Variants in CCSER1 observed in about 807,000 individuals in gnomAD.
The protein encoded by CCSER1 is serine-rich coiled-coil domain-containing protein 1.
CCSER1 carries 41 observed loss-of-function variants against 82.0 expected under a neutral mutation model. The observed-to-expected ratio is 0.50, with a 90% CI of 0.39 to 0.65. The LOEUF (loss-of-function observed/expected upper bound fraction) is 0.65. Among genes scored for constraint, CCSER1 ranks in the 30% least tolerant of loss-of-function variants. The pLI, the probability that CCSER1 is intolerant of heterozygous loss-of-function variation, is 0.00. For missense variants in CCSER1, 1,119 were observed against 1,064.2 expected, an observed-to-expected ratio of 1.05 and a Z score of -0.72; for synonymous variants, 414 against 383.9, an observed-to-expected ratio of 1.08 and a Z score of -0.92.
At chr4:91,126,658 T>A (rs1398275065) in intron 10 of CCSER1, among the ~76,000 whole-genome samples, 1 of 152,048 alleles carries the variant, frequency 6.6e-6, no homozygotes, top group Non-Finnish European at 1.5e-5. Context: ...AAAGATGTTT[T>A]ACATATTCTG....
chr4:90,392,462 C>T (rs183264721), intron 3 of CCSER1, among the ~76,000 whole-genome samples: 21 of 152,004 alleles, frequency 1.4e-4, no homozygotes, highest in African/African-American at 4.8e-4. Context: ...TTGTAATTTA[C>T]CTTTTCTCAG....
intron 6 of CCSER1, among the ~76,000 whole-genome samples, chr4:90,705,975 A>G (rs1039424987): frequency 1.1e-4 from 17 of 152,088 alleles, no homozygotes; most frequent in Admixed American, 4.6e-4. Flanking sequence ...GACTGCACCC[A>G]CTGTCCTGCA....
intron 10 of CCSER1, among the ~76,000 whole-genome samples, chr4:91,444,008 A>G (rs957542661): frequency 4.6e-5 from 7 of 152,144 alleles, no homozygotes; most frequent in African/African-American, 1.7e-4. Context: ...AAGGAGAAGA[A>G]AACAAAAGAA....
chr4:91,512,867 G>A (rs1759901925), intron 10 of CCSER1, among the ~76,000 whole-genome samples: 1 of 152,198 alleles, frequency 6.6e-6, no homozygotes, highest in Non-Finnish European at 1.5e-5. Context: ...TTTTGGTGGA[G>A]TCTTTGGGAG....
chr4:91,218,397 C>T (rs1452281689), intron 10 of CCSER1, among the ~76,000 whole-genome samples: 3 of 152,298 alleles, frequency 2.0e-5, no homozygotes, highest in Non-Finnish European at 4.4e-5. Flanking sequence ...CAGCCTTGGC[C>T]AGCCCAGAAA....
chr4:91,080,428 G>A (rs1325016773), intron 9 of CCSER1, among the ~76,000 whole-genome samples: 1 of 152,144 alleles, frequency 6.6e-6, no homozygotes, highest in Non-Finnish European at 1.5e-5. Flanking sequence ...GTGTGTAGAG[G>A]TAAATTAATA....
intron 10 of CCSER1, among the ~76,000 whole-genome samples, chr4:91,258,382 C>T (rs1740855326): frequency 6.6e-6 from 1 of 152,038 alleles, no homozygotes; most frequent in South Asian, 2.1e-4. Flanking sequence ...TGGTACAGAA[C>T]ACCCTCTTCC....
chr4:90,261,677 A>G (rs1724354129), intron 1 of CCSER1, among the ~76,000 whole-genome samples: 1 of 152,164 alleles, frequency 6.6e-6, no homozygotes, highest in African/African-American at 2.4e-5. Flanking sequence ...TTTCTCAATT[A>G]TTCCCTGAAA....
chr4:91,368,029 T>A (rs1338166319), intron 10 of CCSER1, among the ~76,000 whole-genome samples: 2 of 152,214 alleles, frequency 1.3e-5, no homozygotes, highest in Non-Finnish European at 2.9e-5. Flanking sequence ...TGTATACAAT[T>A]TTCCTATGTG....
chr4:90,522,030 G>C (rs1773204812), intron 5 of CCSER1, among the ~76,000 whole-genome samples: 1 of 152,058 alleles, frequency 6.6e-6, no homozygotes, highest in Admixed American at 6.5e-5. Context: ...TAACCACTCT[G>C]CCTGGATTAC....
intron 10 of CCSER1, among the ~76,000 whole-genome samples, chr4:91,400,847 T>C (rs867862019): frequency 2.6e-5 from 4 of 151,852 alleles, no homozygotes; most frequent in Admixed American, 6.6e-5. Context: ...TCCCCCTGAA[T>C]TGGTCTTTTG....
At chr4:90,695,916 C>G (rs936204723) in intron 6 of CCSER1, among the ~76,000 whole-genome samples, 3 of 151,676 alleles carry the variant, frequency 2.0e-5, no homozygotes, top group African/African-American at 7.3e-5. Context: ...ACACAAAGAG[C>G]TAGGTAACAA....
chr4:90,204,556 C>CT (rs1738419344), intron 1 of CCSER1, among the ~76,000 whole-genome samples: 1 of 152,164 alleles, frequency 6.6e-6, no homozygotes, highest in Non-Finnish European at 1.5e-5. Flanking sequence ...GTCTATATAT[C>CT]TGTTTTGGTA....
intron 7 of CCSER1, among the ~76,000 whole-genome samples, chr4:90,811,995 C>CACACACACACACACATATATATAT (rs367800484): frequency 1.4e-5 from 2 of 142,778 alleles, no homozygotes; most frequent in Non-Finnish European, 3.0e-5. Context: ...TATATAAACA[C>CACACACACACACACATATATATAT]ATATATATAT....
At chr4:91,208,968 T>C (rs1736573980) in intron 10 of CCSER1, among the ~76,000 whole-genome samples, 1 of 151,926 alleles carries the variant, frequency 6.6e-6, no homozygotes, top group South Asian at 2.1e-4. Context: ...TTATTCTTTT[T>C]GTGGCAATTG....
intron 8 of CCSER1, among the ~76,000 whole-genome samples, chr4:90,835,503 A>G (rs1192535275): frequency 1.3e-5 from 2 of 152,174 alleles, no homozygotes; most frequent in Non-Finnish European, 2.9e-5. Flanking sequence ...CCGTGGAGCC[A>G]TGAGACCAAA....
intron 10 of CCSER1, among the ~76,000 whole-genome samples, chr4:91,342,761 T>A (rs1747801142): frequency 6.6e-6 from 1 of 152,140 alleles, no homozygotes; most frequent in South Asian, 2.1e-4. Context: ...ACATATAGGT[T>A]GTATGCCTAT....
chr4:91,538,178 A>G (rs1332243840), intron 10 of CCSER1, among the ~76,000 whole-genome samples: 1 of 152,080 alleles, frequency 6.6e-6, no homozygotes, highest in Admixed American at 6.6e-5. Context: ...CTTGTAAATA[A>G]CATTCGTATG....
At chr4:90,362,656 T>C (rs995290141) in intron 3 of CCSER1, among the ~76,000 whole-genome samples, 1 of 152,180 alleles carries the variant, frequency 6.6e-6, no homozygotes, top group Admixed American at 6.5e-5. Flanking sequence ...CCTTTTCCGC[T>C]GGCTTCTCCA....
Sources: allele counts gnomAD v4.1 joint callset (sites outside exome capture counted in the v4.1 genomes callset), GRCh38; gene constraint gnomAD v4.1.1; transcripts MANE v1.5; gene names NCBI Gene and HGNC (gene_info 2026-07-23, HGNC 2026-07-21).